FSTL5: variants seen among roughly 807,000 people sequenced by gnomAD.
The protein encoded by FSTL5 is follistatin-related protein 5.
A neutral mutation model predicts 89.1 loss-of-function variants in FSTL5; 62 were observed. The observed-to-expected ratio is 0.70, with a 90% CI of 0.57 to 0.86. FSTL5 has a LOEUF of 0.86. Ranked by LOEUF, FSTL5 falls within the 40% of genes least tolerant of loss-of-function variation. The probability of loss-of-function intolerance (pLI) is 0.00; values close to 1 mark genes in which losing one functional copy is unlikely to be tolerated. For missense variants in FSTL5, 1,057 were observed against 1,001.6 expected (o/e 1.06, Z -0.75); for synonymous variants, 383 against 346.2 (o/e 1.11, Z -1.18).
intron 15 of FSTL5, among the ~76,000 whole-genome samples, chr4:161,428,847 G>A (rs1421302350): frequency 6.6e-6 from 1 of 151,986 alleles, no homozygotes; most frequent in Non-Finnish European, 1.5e-5. Context: ...GAAAAGGAGA[G>A]GAAAAAGTAA....
At chr4:162,047,452 G>T (rs1208144882) in intron 2 of FSTL5, 1 of 152,026 alleles carries the variant, frequency 6.6e-6, no homozygotes, top group Non-Finnish European at 1.5e-5. Flanking sequence ...AGGGGATGAC[G>T]GTTGTGCCAT....
chr4:161,411,637 C>T (rs1015657963), intron 15 of FSTL5, among the ~76,000 whole-genome samples: 3 of 152,040 alleles, frequency 2.0e-5, no homozygotes, highest in African/African-American at 7.2e-5. Flanking sequence ...ATCTAACATC[C>T]CTTCATGATT....
intron 2 of FSTL5, among the ~76,000 whole-genome samples, chr4:162,080,578 T>C (rs1730054500): frequency 6.6e-6 from 1 of 151,692 alleles, no homozygotes. Flanking sequence ...ATACCATAGA[T>C]TGGTATTTTC....
intron 10 of FSTL5, among the ~76,000 whole-genome samples, chr4:161,531,307 T>C (rs936657494): frequency 2.0e-5 from 3 of 152,186 alleles, no homozygotes; most frequent in Non-Finnish European, 2.9e-5. Context: ...AATAGTATCA[T>C]ATTTCTGGCA....
intron 3 of FSTL5, among the ~76,000 whole-genome samples, chr4:161,962,495 C>T (rs936781651): frequency 1.3e-5 from 2 of 151,756 alleles, no homozygotes; most frequent in Admixed American, 1.3e-4. Flanking sequence ...AATAGTACTT[C>T]CTCAGAGTAT....
chr4:161,588,997 GTTTTT>G (rs879331171), intron 7 of FSTL5, among the ~76,000 whole-genome samples: 1 of 130,958 alleles, frequency 7.6e-6, no homozygotes, highest in Non-Finnish European at 1.6e-5. Context: ...TATCCCTAAT[GTTTTT>G]TTTTTTTTTT....
At chr4:161,710,662 T>A (rs1032980381) in intron 6 of FSTL5, among the ~76,000 whole-genome samples, 2 of 152,206 alleles carry the variant, frequency 1.3e-5, no homozygotes, top group South Asian at 2.1e-4. Context: ...TTCTTCCAAT[T>A]GTGCAAAAGA....
chr4:161,935,046 A>T (rs1207627767), intron 3 of FSTL5, among the ~76,000 whole-genome samples: 5 of 152,174 alleles, frequency 3.3e-5, no homozygotes, highest in Non-Finnish European at 7.3e-5. Context: ...TATGACCAGC[A>T]ATTTACTTTT....
chr4:161,571,512 C>A (rs1031824374), intron 8 of FSTL5, among the ~76,000 whole-genome samples: 1 of 151,990 alleles, frequency 6.6e-6, no homozygotes, highest in Non-Finnish European at 1.5e-5. Context: ...TGACTGAATT[C>A]TCACAAAATA....
intron 3 of FSTL5, among the ~76,000 whole-genome samples, chr4:161,967,422 A>T (rs970620018): frequency 6.6e-6 from 1 of 151,946 alleles, no homozygotes; most frequent in Non-Finnish European, 1.5e-5. Flanking sequence ...AATTAAAAGA[A>T]GAAAAGAAAG....
intron 2 of FSTL5, among the ~76,000 whole-genome samples, chr4:162,083,889 A>G (rs149363571): frequency 6.6e-6 from 1 of 152,020 alleles, no homozygotes; most frequent in Non-Finnish European, 1.5e-5. Flanking sequence ...TTCTTAATGT[A>G]AAATTGACTG....
chr4:161,468,545 G>C (rs1733827734), intron 13 of FSTL5, among the ~76,000 whole-genome samples: 1 of 151,878 alleles, frequency 6.6e-6, no homozygotes, highest in Non-Finnish European at 1.5e-5. Flanking sequence ...CATGTGGAAA[G>C]AAAAAATGGG....
intron 3 of FSTL5, among the ~76,000 whole-genome samples, chr4:161,939,915 C>T (rs1734532338): frequency 6.6e-6 from 1 of 151,828 alleles, no homozygotes; most frequent in East Asian, 1.9e-4. Context: ...AAACTGCTAA[C>T]AAACTAAGAG....
At chr4:161,653,938 A>G (rs923079266) in intron 7 of FSTL5, among the ~76,000 whole-genome samples, 9 of 152,190 alleles carry the variant, frequency 5.9e-5, no homozygotes, top group African/African-American at 2.2e-4. Flanking sequence ...GCTTAACTAA[A>G]TATGGCTCAA....
chr4:162,121,874 G>A (rs1188543108), intron 1 of FSTL5, among the ~76,000 whole-genome samples: 1 of 152,036 alleles, frequency 6.6e-6, no homozygotes, highest in African/African-American at 2.4e-5. Flanking sequence ...TGATGCAGAT[G>A]AAGACCTTTA....
chr4:161,475,373 G>A (rs941658264), intron 13 of FSTL5, among the ~76,000 whole-genome samples: 2 of 152,024 alleles, frequency 1.3e-5, no homozygotes, highest in Non-Finnish European at 1.5e-5. Flanking sequence ...TTCTGGGACT[G>A]CCGCAGTGCA....
At chr4:161,465,980 C>G (rs1733736220) in intron 13 of FSTL5, among the ~76,000 whole-genome samples, 1 of 152,118 alleles carries the variant, frequency 6.6e-6, no homozygotes, top group Admixed American at 6.6e-5. Context: ...CATTGAAGTT[C>G]TAGAATCTAC....
At chr4:161,567,912 T>C (rs1234914113) in intron 8 of FSTL5, among the ~76,000 whole-genome samples, 1 of 151,982 alleles carries the variant, frequency 6.6e-6, no homozygotes, top group Non-Finnish European at 1.5e-5. Flanking sequence ...TTGGTCAAAG[T>C]AGGAAGAGGA....
intron 13 of FSTL5, among the ~76,000 whole-genome samples, chr4:161,463,535 A>T (rs1175851735): frequency 6.6e-6 from 1 of 152,234 alleles, no homozygotes; most frequent in Admixed American, 6.5e-5. Context: ...ATTTTCAGTC[A>T]GAAAAGCCAG....
Sources: allele counts gnomAD v4.1 joint callset (sites outside exome capture counted in the v4.1 genomes callset), GRCh38; gene constraint gnomAD v4.1.1; transcripts MANE v1.5; gene names NCBI Gene and HGNC (gene_info 2026-07-23, HGNC 2026-07-21).